LARP1: variants seen among roughly 807,000 people sequenced by gnomAD.
LARP1 encodes the protein La ribonucleoprotein 1, translational regulator, also known as la-related protein 1.
LARP1 carries 36 observed loss-of-function variants against 122.7 expected under a neutral mutation model. The ratio of observed to expected loss-of-function variants is 0.29; its 90% CI spans 0.22 to 0.39. LARP1 has a LOEUF of 0.39. Among genes scored for constraint, LARP1 ranks in the 10% least tolerant of loss-of-function variants. The pLI is 1.00. For synonymous variants in LARP1, 539 were observed against 528.7 expected, an observed-to-expected ratio of 1.02 and a Z score of -0.27; for missense variants, 1,040 against 1,403.6, an observed-to-expected ratio of 0.74 and a Z score of 4.14.
At chr5:154,768,224 T>C (rs1319112207) in intron 1 of LARP1, among the ~76,000 whole-genome samples, 2 of 152,194 alleles carry the variant, frequency 1.3e-5, no homozygotes, top group Non-Finnish European at 2.9e-5. Flanking sequence ...GACAGTAGTT[T>C]AGAGCATGAT....
chr5:154,733,564 T>C (rs1756707314), intron 1 of LARP1, among the ~76,000 whole-genome samples: 1 of 24,266 alleles, frequency 4.1e-5, no homozygotes, highest in African/African-American at 1.8e-4. Flanking sequence ...CTTTTCTTTC[T>C]TTCTTTTTTT....
At chr5:154,726,332 C>T (rs1244142561) in intron 1 of LARP1, among the ~76,000 whole-genome samples, 1 of 152,150 alleles carries the variant, frequency 6.6e-6, no homozygotes, top group Non-Finnish European at 1.5e-5. Context: ...CCATCCAGGG[C>T]CTCAGGTTTT....
In LARP1 at chr5:154,793,720, A is replaced by C. The variant is rs1210165327; in HGVS notation, c.865A>C (p.Lys289Gln). 6.2e-7 allele frequency: 1 copy of C among 1,614,140 alleles called. No homozygotes were observed. The highest frequency in any genetic ancestry group is 8.5e-7 in the Non-Finnish European group (1 of 1,180,006). Residue 289 changes from lysine (K) to glutamine (Q), a missense_variant, in exon 5 of 19, where the codon AAA becomes CAA. Transcript: ENST00000518297. ...RHIPANRGEI[K>Q]GSESATYVPV... ...CATACCTGCCAATCGCGGAGAGATC[A>C]AAGGTATGCACTACCCACTATGGAG...
intron 1 of LARP1, among the ~76,000 whole-genome samples, chr5:154,747,312 A>T (rs1056591013): frequency 6.6e-6 from 1 of 151,644 alleles, no homozygotes; most frequent in Non-Finnish European, 1.5e-5. Context: ...TCCCAAAAAA[A>T]AAAAAAAAGA....
rs1293724929 is a variant in LARP1 at position 154,814,003 on chromosome 5, C to G, written c.3198C>G (p.Ile1066Met). Residue 1066 changes from isoleucine (I) to methionine (M), a missense_variant, in exon 19 of 19, where the codon ATC becomes ATG. By Grantham distance (10) the Ile-to-Met change is conservative. Around this residue, in one of 8 missense-constraint regions of LARP1, gnomAD observed 129 missense variants for 160.8 expected, o/e 0.80. Coordinates refer to ENST00000518297, the MANE Select transcript of LARP1 (RefSeq NM_033551.3). Reference sequence around the variant, plus strand: ...CTTCCAGCAGGCCTGCTGCCATGATCAGCCAACCCCCTACACCACCCACCG... The same window carrying G: ...CTTCCAGCAGGCCTGCTGCCATGATGAGCCAACCCCCTACACCACCCACCG... ...SQSSSRPAAM[I>M]SQPPTPPTGQ... The G allele has an allele frequency of 1.2e-6, 2 of 1,614,088 alleles. No homozygotes were observed. The highest frequency in any genetic ancestry group is 2.2e-5 in the East Asian group (1 of 44,858).
chr5:154,704,318 C>G (rs543076647), intron 1 of LARP1, among the ~76,000 whole-genome samples: 2 of 152,210 alleles, frequency 1.3e-5, no homozygotes, highest in South Asian at 4.1e-4. Context: ...ATTGACAGGG[C>G]TAGGGACAGT....
At chr5:154,804,640 C>G in intron 14 of LARP1, 1 of 402,968 alleles carries the variant, frequency 2.5e-6, no homozygotes. Flanking sequence ...GGCAGTCTCT[C>G]TGAGCCTACT....
chr5:154,778,633 C>T (rs1756127902), intron 1 of LARP1, among the ~76,000 whole-genome samples: 1 of 152,174 alleles, frequency 6.6e-6, no homozygotes, highest in African/African-American at 2.4e-5. Flanking sequence ...TAGGATTCTG[C>T]CCACCCCTAC....
intron 1 of LARP1, among the ~76,000 whole-genome samples, chr5:154,784,741 C>G (rs1756749684): frequency 6.6e-6 from 1 of 152,224 alleles, no homozygotes; most frequent in Non-Finnish European, 1.5e-5. Flanking sequence ...TTGAATCACC[C>G]ATGTGCTTTC....
At chr5:154,763,067 T>C (rs1057461271) in intron 1 of LARP1, among the ~76,000 whole-genome samples, 1 of 151,318 alleles carries the variant, frequency 6.6e-6, no homozygotes, top group Non-Finnish European at 1.5e-5. Context: ...TTTTTTTTTT[T>C]TTTTTCTTTT....
chr5:154,733,099 A>T (rs913452393), intron 1 of LARP1, among the ~76,000 whole-genome samples: 2 of 152,216 alleles, frequency 1.3e-5, no homozygotes, highest in Non-Finnish European at 2.9e-5. Context: ...CTGGAATGTT[A>T]TGTGGCTTGG....
intron 1 of LARP1, among the ~76,000 whole-genome samples, chr5:154,742,380 G>A (rs1382849676): frequency 6.6e-6 from 1 of 152,146 alleles, no homozygotes; most frequent in Non-Finnish European, 1.5e-5. Context: ...TGGCCAACAT[G>A]GCGAAACCCC....
rs369589836 is a variant in LARP1 at position 154,792,807 on chromosome 5, G to A, written c.739+11G>A. The A allele has an allele frequency of 5.0e-6, 8 of 1,613,036 alleles. No homozygotes were observed. In the African/African-American group the frequency reaches 1.1e-4, roughly 22 times the overall value. ...GGCAGAAGAAGAAAGGTGAGTGACTGGGAGCAGGACTTGGGAGAAGGTGGC... is the reference window on the plus strand; with the variant it reads ...GGCAGAAGAAGAAAGGTGAGTGACTAGGAGCAGGACTTGGGAGAAGGTGGC... On this transcript the variant is annotated intron_variant, in intron 4 of 18. Transcript: ENST00000518297.
At chr5:154,758,177 G>T (rs1754155204) in intron 1 of LARP1, among the ~76,000 whole-genome samples, 1 of 151,980 alleles carries the variant, frequency 6.6e-6, no homozygotes, top group Non-Finnish European at 1.5e-5. Context: ...GGTATTGGGT[G>T]CCTGAGCTGG....
At chr5:154,808,699 G>A in intron 16 of LARP1, 96 bp downstream of exon 16, 1 of 1,265,452 alleles carries the variant, frequency 7.9e-7, no homozygotes, top group Non-Finnish European at 1.1e-6. Flanking sequence ...GAAATTCCTT[G>A]CATGTGTATG....
intron 1 of LARP1, among the ~76,000 whole-genome samples, chr5:154,701,279 A>G (rs1754699769): frequency 6.6e-6 from 1 of 152,224 alleles, no homozygotes; most frequent in East Asian, 1.9e-4. Context: ...TCCAGATCCT[A>G]TCACTTCGTT....
intron 1 of LARP1, among the ~76,000 whole-genome samples, chr5:154,716,039 C>G (rs1179856223): frequency 6.6e-6 from 1 of 152,116 alleles, no homozygotes. Context: ...GGGGCCCTTA[C>G]CCCTTCCACC....
Position 154,802,512 on chromosome 5 carries a change from C to T in LARP1, c.2109+113C>T. On this transcript the variant is annotated intron_variant, in intron 11 of 18. Transcript: ENST00000518297. The surrounding 1 kb of genome is among the most constrained non-coding windows in gnomAD (Gnocchi z 5.1). ...GGCAGGTCCTTATAATTCAGAGTCT[C>T]AGGATTTTTATATATGGGAAGGGGA... The T allele has an allele frequency of 1.5e-6, 2 of 1,297,856 alleles. No homozygotes were observed. Among genetic ancestry groups the T allele is most frequent in the Non-Finnish European group, 2.1e-6 (2 of 971,242 alleles). 80.4% of individuals were successfully genotyped at this position (1,297,856 alleles called of 1,614,324 possible). A position where few individuals can be genotyped will look rare whatever the true frequency, so the allele number is the denominator to read the frequency against.
At chr5:154,786,503 G>A in intron 1 of LARP1, 1 of 455,928 alleles carries the variant, frequency 2.2e-6, no homozygotes, top group Non-Finnish European at 4.4e-6. Flanking sequence ...GTTTGCCTTA[G>A]TTGAGGAAGA....
Sources: gnomAD v4.1 joint callset for allele counts (sites outside exome capture counted in the v4.1 genomes callset) on GRCh38, gnomAD v4.1.1 for gene constraint, gnomAD v4.1.1 regional missense constraint, Gnocchi (gnomAD v3.1) non-coding constraint, MANE v1.5 for transcripts, NCBI Gene and HGNC (gene_info 2026-07-23, HGNC 2026-07-21) for gene names.